Variants in MYO3B observed in about 807,000 individuals in gnomAD.
MYO3B encodes the protein myosin-IIIb.
In MYO3B, 156 loss-of-function variants were observed where a neutral mutation model predicts 174.6. That is an observed-to-expected ratio of 0.89 (90% confidence interval 0.78 to 1.02). The LOEUF (loss-of-function observed/expected upper bound fraction) is 1.02. Ranked by LOEUF, MYO3B falls within the 50% of genes least tolerant of loss-of-function variation. The pLI, the probability that MYO3B is intolerant of heterozygous loss-of-function variation, is 0.00. For missense variants in MYO3B, 1,632 were observed against 1,639.4 expected (o/e 1.00, Z 0.08); for synonymous variants, 563 against 569.1 (o/e 0.99, Z 0.15).
intron 8 of MYO3B, among the ~76,000 whole-genome samples, chr2:170,355,191 C>G (rs1398842311): frequency 6.6e-6 from 1 of 152,048 alleles, no homozygotes; most frequent in Non-Finnish European, 1.5e-5. Context: ...GAACATGAAC[C>G]AAGACAGCCA....
At chr2:170,373,319 C>T (rs770957411) in intron 9 of MYO3B, among the ~76,000 whole-genome samples, 1 of 152,318 alleles carries the variant, frequency 6.6e-6, no homozygotes, top group South Asian at 2.1e-4. Flanking sequence ...AATGCAATGC[C>T]AAGTACTTCC....
At chr2:170,548,221 C>T (rs575121373) in intron 32 of MYO3B, among the ~76,000 whole-genome samples, 3 of 150,826 alleles carry the variant, frequency 2.0e-5, no homozygotes, top group African/African-American at 7.3e-5. Flanking sequence ...TGGCAGAAGA[C>T]CATGATAAAG....
intron 9 of MYO3B, among the ~76,000 whole-genome samples, chr2:170,371,215 CTA>C (rs1491403923): frequency 6.2e-5 from 3 of 48,710 alleles, no homozygotes; most frequent in African/African-American, 2.7e-4. Flanking sequence ...AAGACAGTGT[CTA>C]AAAAAAAAAA....
At chr2:170,573,227 G>GTA (rs34137139) in intron 32 of MYO3B, among the ~76,000 whole-genome samples, 1,597 of 46,386 alleles carry the variant, frequency 0.034, 18 homozygotes, top group South Asian at 0.059. Flanking sequence ...TATACTGTGT[G>GTA]TATATATATA....
chr2:170,228,960 C>CA (rs539746576), intron 6 of MYO3B, among the ~76,000 whole-genome samples: 4,630 of 98,218 alleles, frequency 0.047, 227 homozygotes, highest in African/African-American at 0.14. Flanking sequence ...ATTCCCTTTA[C>CA]AAAAAAAAAA....
intron 7 of MYO3B, among the ~76,000 whole-genome samples, chr2:170,321,456 A>G (rs1374796352): frequency 6.6e-6 from 1 of 152,202 alleles, no homozygotes; most frequent in Non-Finnish European, 1.5e-5. Flanking sequence ...AAAAATAAAA[A>G]GAGGGAAGTA....
At chr2:170,294,080 A>T (rs1167445873) in intron 7 of MYO3B, among the ~76,000 whole-genome samples, 1 of 152,142 alleles carries the variant, frequency 6.6e-6, no homozygotes, top group African/African-American at 2.4e-5. Flanking sequence ...AATAGGAGAG[A>T]CAAGGCAGAG....
rs554921851 is a variant in MYO3B, at chr2:170,386,312, C to G, written c.1374+40C>G. The G allele has an allele frequency of 1.1e-5, 17 of 1,528,054 alleles. No homozygotes were observed. In the East Asian group the frequency reaches 3.8e-4, roughly 35 times the overall value. The allele number at this position is 1,528,054 out of a possible 1,614,324, so 94.7% of individuals were successfully genotyped here. On this transcript the variant is annotated intron_variant, in intron 13 of 34. Coordinates refer to ENST00000408978, the MANE Select transcript of MYO3B (RefSeq NM_138995.5). The stretch of plus-strand genomic sequence containing the variant: ...GCTTTACGTATTGTGGCGAGAAGTT[C>G]CTACAGAGTAACTGCATATTTGATA...
chr2:170,521,909 G>A (rs542684786), intron 30 of MYO3B, among the ~76,000 whole-genome samples: 1 of 152,138 alleles, frequency 6.6e-6, no homozygotes, highest in Non-Finnish European at 1.5e-5. Flanking sequence ...ACAGCTCCCA[G>A]TTGCTAGAGC....
chr2:170,189,030 G>T (rs2092506343), intron 1 of MYO3B, among the ~76,000 whole-genome samples: 1 of 152,110 alleles, frequency 6.6e-6, no homozygotes, highest in Non-Finnish European at 1.5e-5. Flanking sequence ...TTGGAGGTCA[G>T]GTCTGGTGCT....
At chr2:170,369,135 T>A (rs941694431) in intron 8 of MYO3B, 87 bp from the exon 9 acceptor site, 2 of 1,265,792 alleles carry the variant, frequency 1.6e-6, no homozygotes, top group African/African-American at 3.0e-5. Context: ...ATAAATGAGC[T>A]TTTACCTTCT....
At chr2:170,260,903 T>C (rs1473148541) in intron 7 of MYO3B, among the ~76,000 whole-genome samples, 3 of 152,200 alleles carry the variant, frequency 2.0e-5, no homozygotes, top group Non-Finnish European at 2.9e-5. Flanking sequence ...AAAACAGTCA[T>C]TTGAGATAGT....
chr2:170,226,926 A>G (rs1461471697), intron 6 of MYO3B, among the ~76,000 whole-genome samples: 2 of 152,080 alleles, frequency 1.3e-5, no homozygotes, highest in African/African-American at 4.8e-5. Context: ...AAGAGGAAAA[A>G]CTGATTCTGT....
At chr2:170,253,082 A>G (rs1287162856) in intron 7 of MYO3B, among the ~76,000 whole-genome samples, 5 of 152,190 alleles carry the variant, frequency 3.3e-5, no homozygotes, top group African/African-American at 1.2e-4. Flanking sequence ...CTTCTGTTTT[A>G]AAGGGATCTT....
intron 6 of MYO3B, among the ~76,000 whole-genome samples, chr2:170,221,747 T>TA (rs1198756305): frequency 9.2e-5 from 12 of 130,196 alleles, no homozygotes; most frequent in East Asian, 7.4e-4. Context: ...GAATTTTTTT[T>TA]TAAAAGATGG....
intron 17 of MYO3B, among the ~76,000 whole-genome samples, chr2:170,400,654 C>A (rs527828277): frequency 6.4e-5 from 9 of 141,616 alleles, no homozygotes; most frequent in South Asian, 2.3e-4. Flanking sequence ...CCACCCCCCC[C>A]CCCTCGGCCT....
intron 32 of MYO3B, among the ~76,000 whole-genome samples, chr2:170,636,957 CGTGTGTGTGTGTGT>C (rs3047156): frequency 1.1e-4 from 16 of 146,670 alleles, no homozygotes; most frequent in South Asian, 8.7e-4. Flanking sequence ...TGCTTTTGTG[CGTGTGTGTGTGTGT>C]GTGTGTGTGT....
chr2:170,608,527 A>G (rs1441252086), intron 32 of MYO3B, among the ~76,000 whole-genome samples: 1 of 152,148 alleles, frequency 6.6e-6, no homozygotes, highest in Admixed American at 6.6e-5. Flanking sequence ...GCTTCTCCAG[A>G]GGTGGCACTT....
At chr2:170,511,541 C>T (rs1687992151) in intron 28 of MYO3B, among the ~76,000 whole-genome samples, 1 of 152,170 alleles carries the variant, frequency 6.6e-6, no homozygotes, top group South Asian at 2.1e-4. Flanking sequence ...CTATTCAAAG[C>T]ACTTTCACAC....
Sources: allele counts gnomAD v4.1 joint callset (sites outside exome capture counted in the v4.1 genomes callset), GRCh38; gene constraint gnomAD v4.1.1; transcripts MANE v1.5; gene names NCBI Gene and HGNC (gene_info 2026-07-23, HGNC 2026-07-21).